The following HUWE1 variants were observed in gnomAD, a reference collection of about 807,000 sequenced individuals.
HUWE1 encodes E3 ubiquitin-protein ligase HUWE1.
In HUWE1, 18 loss-of-function variants were observed where a neutral mutation model predicts 299.4. That is an observed-to-expected ratio of 0.06 (90% CI 0.04 to 0.09). The LOEUF is 0.09. Ranked by LOEUF, HUWE1 falls within the 10% of genes least tolerant of loss-of-function variation. HUWE1 has a pLI of 1.00. For missense variants in HUWE1, 1,832 were observed against 3,462.3 expected (o/e 0.53, Z 11.82); for synonymous variants, 1,317 against 1,286.1 (o/e 1.02, Z -0.51).
intron 39 of HUWE1, among the ~76,000 whole-genome samples, chrX:53,585,832 A>G (rs1337362195): frequency 9.0e-6 from 1 of 111,073 alleles, no homozygotes; most frequent in Non-Finnish European, 1.9e-5. Flanking sequence ...GACCATAGGC[A>G]CACACCACTA....
Position 53,607,708 on chromosome X carries a change from T to C in HUWE1, c.2320-9A>G. 1 of 1,165,410 alleles carries C rather than the reference T, an allele frequency of 8.6e-7. No individual in the cohort carries two copies. Among genetic ancestry groups the C allele is most frequent in the Non-Finnish European group, 1.2e-6 (1 of 857,073 alleles). ...GATTCCACAAATTTCATCTAGGTAA[T>C]AAAAATTTTTTAAAGAAGTTAGAGC... On this transcript the variant is annotated splice_polypyrimidine_tract_variant and intron_variant, in intron 24 of 83. Transcript: ENST00000262854.
Position 53,589,737 on chromosome X carries a change from T to C in HUWE1, c.4271A>G (p.Lys1424Arg). The C allele has an allele frequency of 8.3e-7, 1 of 1,211,265 alleles. No homozygotes were observed. The highest frequency in any genetic ancestry group is 1.7e-5 in the African/African-American group (1 of 57,774). ...QEEEEAKCLE[K>R]FQDADPLEQD... ...TTCCAACGGGTCAGCATCCTGGAAC[T>C]TCTCTAGACATTTAGCCTCTTCCTC... Residue 1424 changes from lysine (K) to arginine (R), a missense_variant, in exon 36 of 84, where the codon AAG (lysine) becomes AGG (arginine). Around this residue, in one of 15 missense-constraint regions of HUWE1, gnomAD observed 658 missense variants for 1,282.6 expected, o/e 0.51. Transcript: ENST00000262854.
intron 6 of HUWE1, among the ~76,000 whole-genome samples, chrX:53,646,999 G>C (rs1229173821): frequency 2.7e-5 from 3 of 111,822 alleles, no homozygotes; most frequent in Non-Finnish European, 5.6e-5. Flanking sequence ...GGAGTAGTAA[G>C]TACATTAATG....
intron 67 of HUWE1, 28 bp downstream of exon 67, chrX:53,548,931 C>T: frequency 8.6e-7 from 1 of 1,157,913 alleles, no homozygotes; most frequent in African/African-American, 1.8e-5. Context: ...CTTCTTCCAT[C>T]CCCAGGAGTT....
At chrX:53,647,116 CAT>C (rs1331455191) in intron 6 of HUWE1, among the ~76,000 whole-genome samples, 1 of 111,920 alleles carries the variant, frequency 8.9e-6, no homozygotes, top group Non-Finnish European at 1.9e-5. Context: ...TACTTTAATA[CAT>C]ATATAACATT....
intron 25 of HUWE1, among the ~76,000 whole-genome samples, chrX:53,606,780 T>A (rs1485970968): frequency 9.0e-6 from 1 of 111,510 alleles, no homozygotes; most frequent in African/African-American, 3.3e-5. Flanking sequence ...AGTAGTCAAA[T>A]TTAGAGACAA....
chrX:53,655,847 T>C (rs1179244536), intron 3 of HUWE1, among the ~76,000 whole-genome samples: 2 of 111,993 alleles, frequency 1.8e-5, no homozygotes, highest in African/African-American at 6.5e-5. Context: ...ATGTCTGTTA[T>C]CATGACTTTT....
At chrX:53,647,946 AATT>A (rs1453837949) in intron 5 of HUWE1, among the ~76,000 whole-genome samples, 4 of 112,200 alleles carry the variant, frequency 3.6e-5, no homozygotes, top group Non-Finnish European at 7.5e-5. Context: ...AAAATCCAGA[AATT>A]ATCTCAAACT....
chrX:53,574,050 C>A, intron 46 of HUWE1, 86 bp from the exon 47 acceptor site: 1 of 826,934 alleles, frequency 1.2e-6, no homozygotes, highest in South Asian at 2.1e-5. Context: ...TGCTATTTCT[C>A]CTCCACTTTA....
chrX:53,602,775 G>C lies in HUWE1; in HGVS notation c.2877-117C>G, dbSNP rs2064938309. 4 of 422,965 alleles carry C rather than the reference G, an allele frequency of 9.5e-6. No homozygotes were observed. The East Asian group carries it at 1.6e-4, about 17-fold the overall frequency. The allele number at this position is 422,965 out of a possible 1,213,427, so 34.9% of individuals were successfully genotyped here. ...GGCTGACACTATCCCTCCTATAGCAGGCAGGTTAAACTGAATGTAATAAAG... is the reference window on the plus strand; with the variant it reads ...GGCTGACACTATCCCTCCTATAGCACGCAGGTTAAACTGAATGTAATAAAG... On this transcript the variant is annotated intron_variant, in intron 27 of 83. Coordinates refer to ENST00000262854, the MANE Select transcript of HUWE1 (RefSeq NM_031407.7).
At position 53,614,342 on chromosome X, in the gene HUWE1, A is replaced by G. The variant is rs111492825; in HGVS notation, c.2261+192T>C. On this transcript the variant is annotated intron_variant, in intron 23 of 83. Coordinates refer to ENST00000262854, the MANE Select transcript of HUWE1 (RefSeq NM_031407.7). ...CTTCCTAAGGCAACCAATACAATTA[A>G]ATACCAAAGCACAAATGACACACAA... Among the ~76,000 whole-genome samples, 450 of 112,150 alleles carry G rather than the reference A, an allele frequency of 4.0e-3. 2 individuals are homozygous for G. Among genetic ancestry groups the G allele is most frequent in the African/African-American group, 0.014 (437 of 30,855 alleles).
intron 7 of HUWE1, among the ~76,000 whole-genome samples, chrX:53,644,271 G>A (rs1335285240): frequency 8.9e-6 from 1 of 112,353 alleles, no homozygotes; most frequent in African/African-American, 3.2e-5. Context: ...CCCCCATTAT[G>A]ACTTCTGGTA....
chrX:53,664,868 A>G (rs2069173043), intron 3 of HUWE1, among the ~76,000 whole-genome samples: 1 of 111,527 alleles, frequency 9.0e-6, no homozygotes, highest in South Asian at 3.8e-4. Flanking sequence ...GGGACACCAC[A>G]TAATTGTCAG....
intron 17 of HUWE1, 76 bp downstream of exon 17, chrX:53,627,334 G>A (rs2066579560): frequency 1.6e-6 from 1 of 630,772 alleles, no homozygotes; most frequent in Non-Finnish European, 2.6e-6. Context: ...TGGAATTTAT[G>A]AGGAAGAATG....
At chrX:53,603,292 A>G (rs907755578) in intron 27 of HUWE1, 76 bp downstream of exon 27, 32 of 1,059,786 alleles carry the variant, frequency 3.0e-5, no homozygotes, top group African/African-American at 5.6e-5. Flanking sequence ...ATACCCTCCT[A>G]TCCCCAACCA....
Position 53,552,840 on chromosome X carries a change from T to C in HUWE1, c.8548A>G (p.Ser2850Gly), listed in dbSNP as rs376473006. ...TCCATAGGAGAGCCTTCTAGCTGAC[T>C]GCTGACAGCCGTCAGTGCATCAGAA... ...EDSDALTAVS[S>G]QLEGSPMDTS... Residue 2850 changes from serine (S) to glycine (G), a missense_variant, in exon 62 of 84, where the codon AGT becomes GGT. This residue lies in a region of HUWE1 where 143 missense variants were observed against 148.1 expected (regional missense o/e 0.97). Transcript: ENST00000262854. 1 of 1,209,958 alleles carries C rather than the reference T, an allele frequency of 8.3e-7. No homozygotes were observed. The highest frequency in any genetic ancestry group is 1.1e-6 in the Non-Finnish European group (1 of 893,751).
chrX:53,682,892 C>A (rs1288149845), intron 2 of HUWE1, among the ~76,000 whole-genome samples: 1 of 111,265 alleles, frequency 9.0e-6, no homozygotes, highest in Admixed American at 9.5e-5. Context: ...GGCTAATGGC[C>A]GTAAACGAAA....
At chrX:53,620,674 T>C (rs1256897009) in intron 19 of HUWE1, among the ~76,000 whole-genome samples, 1 of 112,184 alleles carries the variant, frequency 8.9e-6, no homozygotes, top group Non-Finnish European at 1.9e-5. Context: ...GCCTTAGTTG[T>C]ATGACATCTG....
chrX:53,539,634 T>C, intron 75 of HUWE1, 23 bp downstream of exon 75: 2 of 1,209,292 alleles, frequency 1.7e-6, no homozygotes, highest in South Asian at 1.8e-5. Context: ...GGTTGGGACC[T>C]GGGCCTTTAG....
Sources: allele counts gnomAD v4.1 joint callset (sites outside exome capture counted in the v4.1 genomes callset), GRCh38; gene constraint gnomAD v4.1.1; regional missense constraint gnomAD v4.1.1; transcripts MANE v1.5; gene names NCBI Gene and HGNC (gene_info 2026-07-23, HGNC 2026-07-21).